Variants in CSMD1 observed in about 807,000 individuals in gnomAD.
The protein encoded by CSMD1 is CUB and Sushi multiple domains 1.
Under a neutral mutation model 417.5 loss-of-function variants are expected in CSMD1, and 213 were observed. The observed-to-expected ratio is 0.51, with a 90% confidence interval of 0.46 to 0.57. CSMD1 has a LOEUF of 0.57. Ranked by LOEUF, CSMD1 falls within the 20% of genes least tolerant of loss-of-function variation. The pLI is 0.00. For missense variants in CSMD1, 6,923 were observed against 4,529.7 expected, an observed-to-expected ratio of 1.53 and a Z score of -15.17; for synonymous variants, 2,862 against 1,736.8, an observed-to-expected ratio of 1.65 and a Z score of -16.11.
chr8:4,181,898 C>T (rs1162779248), intron 3 of CSMD1, among the ~76,000 whole-genome samples: 2 of 151,986 alleles, frequency 1.3e-5, no homozygotes, highest in Middle Eastern at 3.2e-3. Flanking sequence ...ACAGTGATAA[C>T]CACAAAGGCA....
intron 2 of CSMD1, among the ~76,000 whole-genome samples, chr8:4,480,468 G>A (rs1801037844): frequency 6.6e-6 from 1 of 152,178 alleles, no homozygotes; most frequent in Non-Finnish European, 1.5e-5. Context: ...TCATAAAAAA[G>A]CAGGGGCCTC....
At chr8:4,611,122 T>C (rs188960349) in intron 2 of CSMD1, among the ~76,000 whole-genome samples, 5 of 152,172 alleles carry the variant, frequency 3.3e-5, no homozygotes, top group Non-Finnish European at 5.9e-5. Context: ...ACAGAGATAA[T>C]GGCTGTTACT....
chr8:3,099,598 T>C (rs145413125), intron 46 of CSMD1, among the ~76,000 whole-genome samples: 33 of 152,294 alleles, frequency 2.2e-4, no homozygotes, highest in African/African-American at 6.7e-4. Context: ...ACTGCAGCTA[T>C]AGTTATCAGT....
intron 1 of CSMD1, among the ~76,000 whole-genome samples, chr8:4,971,669 T>C (rs529511212): frequency 7.0e-6 from 1 of 142,730 alleles, no homozygotes; most frequent in East Asian, 2.0e-4. Flanking sequence ...TGCACACATA[T>C]GACTGAGAAC....
At chr8:4,430,833 A>T (rs1057146736) in intron 2 of CSMD1, among the ~76,000 whole-genome samples, 1 of 152,290 alleles carries the variant, frequency 6.6e-6, no homozygotes, top group Non-Finnish European at 1.5e-5. Flanking sequence ...CACTGCAAAT[A>T]CTTCACTCCA....
At chr8:4,131,779 T>TTC (rs1803121630) in intron 3 of CSMD1, among the ~76,000 whole-genome samples, 1 of 131,472 alleles carries the variant, frequency 7.6e-6, no homozygotes, top group Non-Finnish European at 1.7e-5. Context: ...TTTTTTTTTT[T>TTC]TGAGACGGAG....
intron 8 of CSMD1, among the ~76,000 whole-genome samples, chr8:3,601,060 G>C (rs1451312600): frequency 6.6e-6 from 1 of 152,078 alleles, no homozygotes. Flanking sequence ...ATGATATCGT[G>C]GCAGCAAGCT....
intron 3 of CSMD1, among the ~76,000 whole-genome samples, chr8:4,078,572 AC>A (rs1290444379): frequency 1.3e-5 from 2 of 151,212 alleles, no homozygotes; most frequent in African/African-American, 4.9e-5. Context: ...CTGATATCCA[AC>A]TTTTTAAACA....
chr8:3,566,528 C>T (rs1246671714), intron 10 of CSMD1, among the ~76,000 whole-genome samples: 2 of 120,902 alleles, frequency 1.7e-5, no homozygotes, highest in Non-Finnish European at 3.9e-5. Context: ...CCCAACCCAC[C>T]TCACCTCCCT....
intron 49 of CSMD1, among the ~76,000 whole-genome samples, chr8:3,060,337 G>A (rs893760996): frequency 6.6e-6 from 1 of 151,728 alleles, no homozygotes; most frequent in African/African-American, 2.4e-5. Context: ...GTACAGACAG[G>A]GTTTCACCAT....
chr8:4,307,652 G>A (rs1009587856), intron 3 of CSMD1, among the ~76,000 whole-genome samples: 4 of 152,104 alleles, frequency 2.6e-5, no homozygotes, highest in Non-Finnish European at 1.5e-5. Flanking sequence ...CAAGGACGAT[G>A]GGAAATGGGT....
intron 5 of CSMD1, among the ~76,000 whole-genome samples, chr8:3,968,896 C>G (rs1331126092): frequency 6.6e-6 from 1 of 152,122 alleles, no homozygotes; most frequent in Non-Finnish European, 1.5e-5. Flanking sequence ...TCATGTAATT[C>G]AGATGTAATG....
chr8:3,314,192 G>A (rs1333771151), intron 23 of CSMD1, among the ~76,000 whole-genome samples: 1 of 152,016 alleles, frequency 6.6e-6, no homozygotes, highest in Non-Finnish European at 1.5e-5. Flanking sequence ...AATGGGTGCA[G>A]CACACCAACA....
chr8:3,214,685 G>T lies in CSMD1; in HGVS notation c.4679C>A (p.Pro1560Gln). The T allele has an allele frequency of 1.9e-6, 3 of 1,549,710 alleles. No individual in the cohort carries two copies. The highest frequency in any genetic ancestry group is 2.6e-6 in the Non-Finnish European group (3 of 1,146,128). ...SGFAIEFKEKPREACFDPGNI... is the reference protein window; with the variant it reads ...SGFAIEFKEKQREACFDPGNI... ...TCCTGGGTCAAAACAAGCTTCCCGT[G>T]GTTTCTCTGTGGAAGAAATGAATGT... Residue 1560 changes from proline to glutamine, a missense_variant, in exon 30 of 70, where the codon CCA (proline) becomes CAA (glutamine). Coordinates refer to ENST00000635120, the MANE Select transcript of CSMD1 (RefSeq NM_033225.6).
chr8:4,348,443 G>T (rs956067273), intron 3 of CSMD1, among the ~76,000 whole-genome samples: 1 of 151,970 alleles, frequency 6.6e-6, no homozygotes, highest in African/African-American at 2.4e-5. Context: ...AGAATATTAG[G>T]CCTTTCTGAT....
chr8:4,020,111 G>C (rs963213929), intron 4 of CSMD1, among the ~76,000 whole-genome samples: 10 of 152,216 alleles, frequency 6.6e-5, no homozygotes, highest in South Asian at 2.1e-4. Flanking sequence ...GTTTCTCTAT[G>C]TGTCAGGCTC....
chr8:3,110,285 C>T lies in CSMD1; in HGVS notation c.6481G>A (p.Gly2161Ser). The T allele has an allele frequency of 6.2e-7, 1 of 1,613,474 alleles. No individual in the cohort carries two copies. Among genetic ancestry groups the T allele is most frequent in the Non-Finnish European group, 8.5e-7 (1 of 1,179,716 alleles). Residue 2161 changes from glycine (G) to serine (S), a missense_variant, in exon 43 of 70, where the codon GGC becomes AGC. Transcript: ENST00000635120. The stretch of plus-strand genomic sequence containing the variant: ...AGGATCGGATACTCATCAGGAAAGC[C>T]AGGGGAGTAGATGGTGCCGTTCTGA... ...TSQNGTIYSP[G>S]FPDEYPILKD...
At chr8:2,998,762 C>G (rs1233810004) in intron 53 of CSMD1, among the ~76,000 whole-genome samples, 2 of 152,178 alleles carry the variant, frequency 1.3e-5, no homozygotes, top group African/African-American at 4.8e-5. Flanking sequence ...ATATGTCATG[C>G]CCCAGATAAC....
rs2116732727 is a variant in CSMD1, at chr8:4,685,119, C to A, written c.86-47561G>T. Among the ~76,000 whole-genome samples the A allele has an allele frequency of 1.3e-5, 2 of 152,216 alleles. 1 individual carries two copies. Among genetic ancestry groups the A allele is most frequent in the South Asian group, 4.1e-4 (2 of 4,826 alleles). ...GCCTTCTATTATTATGAAGATTCAA[C>A]TCATAAAGGCAATGGAAATAATCAT... On this transcript the variant is annotated intron_variant, in intron 1 of 69. Transcript: ENST00000635120.
Sources: allele counts gnomAD v4.1 joint callset (sites outside exome capture counted in the v4.1 genomes callset), GRCh38; gene constraint gnomAD v4.1.1; transcripts MANE v1.5; gene names NCBI Gene and HGNC (gene_info 2026-07-23, HGNC 2026-07-21).